LHX1: variants seen among roughly 807,000 people sequenced by gnomAD.
LHX1 encodes the protein LIM homeobox 1, also known as LIM/homeobox protein Lhx1.
LHX1 carries 9 observed loss-of-function variants against 34.1 expected under a neutral mutation model. The ratio of observed to expected loss-of-function variants is 0.26; its 90% CI spans 0.16 to 0.46. The LOEUF is 0.46. Among genes scored for constraint, LHX1 ranks in the 20% least tolerant of loss-of-function variants. LHX1 has a pLI of 1.00. For missense variants in LHX1, 446 were observed against 559.1 expected, an observed-to-expected ratio of 0.80 and a Z score of 2.04; for synonymous variants, 254 against 241.5, an observed-to-expected ratio of 1.05 and a Z score of -0.48.
Position 36,943,475 on chromosome 17 carries a change from C to A in LHX1, c.*344C>A. 1 of 262,614 alleles carries A rather than the reference C, an allele frequency of 3.8e-6. No homozygotes were observed. 16.3% of individuals were successfully genotyped at this position (262,614 alleles called of 1,614,324 possible). On this transcript the variant is annotated 3_prime_UTR_variant, in exon 5 of 5. Coordinates refer to ENST00000614239, the MANE Select transcript of LHX1 (RefSeq NM_005568.5). ...GCGGGCGGCGAAAAGACGTCCAGGG[C>A]AGCCGCGGGTGCGCACAGCCGTTGG...
chr17:36,942,821 A>C lies in LHX1; in HGVS notation c.911A>C (p.Gln304Pro). The change falls in exon 5 of 5, where the codon CAG becomes CCG. Residue 304 changes from glutamine to proline, a missense_variant. Gln to Pro is a moderately conservative substitution (Grantham distance 76, BLOSUM62 -1). Transcript: ENST00000614239. ...DFFPQGPPSS[Q>P]AQTPVDLPFV... ...TTCCCGCAAGGCCCCCCGTCCTCGC[A>C]GGCCCAGACACCAGTGGACCTACCC... The C allele has an allele frequency of 6.4e-7, 1 of 1,561,692 alleles. No individual in the cohort carries two copies. The highest frequency in any genetic ancestry group is 8.7e-7 in the Non-Finnish European group (1 of 1,150,000).
At chr17:36,938,507 G>A (rs938438145) in intron 1 of LHX1, 140 bp downstream of exon 1, 8 of 832,928 alleles carry the variant, frequency 9.6e-6, no homozygotes, top group Middle Eastern at 3.3e-4. Flanking sequence ...GCGGGCGCCC[G>A]CCTCTCCGCC....
At chr17:36,941,583 G>C in intron 3 of LHX1, 1 of 242,922 alleles carries the variant, frequency 4.1e-6, no homozygotes, top group Middle Eastern at 1.5e-3. Context: ...CTGCCTGGGA[G>C]GCTGGCTGTG....
Position 36,940,644 on chromosome 17 carries a change from T to G in LHX1, c.432T>G (p.Asp144Glu), listed in dbSNP as rs766678234. Reference protein sequence around the residue: ...TTGSDPSLSPDSQDPSQDDAK... With the variant: ...TTGSDPSLSPESQDPSQDDAK... ...GCAGTGACCCCAGTTTGTCTCCGGA[T>G]TCCCAAGACCCGTCGCAGGACGACG... is the stretch of plus-strand genomic sequence containing the variant. Residue 144 changes from aspartate to glutamate, a missense_variant, in exon 3 of 5, where the codon GAT (aspartate) becomes GAG (glutamate). Physicochemically the swap from Asp to Glu is conservative, Grantham distance 45. Around this residue, in one of 3 missense-constraint regions of LHX1, gnomAD observed 168 missense variants for 226.6 expected, o/e 0.74. Transcript: ENST00000614239. 1.2e-6 allele frequency: 2 copies of G among 1,613,824 alleles called. No homozygotes were observed. The highest frequency in any genetic ancestry group is 1.7e-5 in the Admixed American group (1 of 60,024).
rs1328201705 is a variant in LHX1, at chr17:36,943,708, A to AT, written c.*583dup. 6.6e-6 allele frequency: 1 copy of AT among 152,158 alleles called. No individual in the cohort carries two copies. Among genetic ancestry groups the AT allele is most frequent in the Non-Finnish European group, 1.5e-5 (1 of 68,026 alleles). 9.4% of individuals were successfully genotyped at this position (152,158 alleles called of 1,614,324 possible). A position where few individuals can be genotyped will look rare whatever the true frequency, so the allele number is the denominator to read the frequency against. On this transcript the variant is annotated 3_prime_UTR_variant, in exon 5 of 5. Transcript: ENST00000614239. ...GTGCATCAGGTGGGACTATATATAT[A>AT]TTTTTTGTCTATCTGGATTTTTGGT...
rs1205956402 is a variant in LHX1, at chr17:36,937,852, T to C, written c.-346T>C. On this transcript the variant is annotated 5_prime_UTR_variant, in exon 1 of 5. Coordinates refer to ENST00000614239, the MANE Select transcript of LHX1 (RefSeq NM_005568.5). Reference sequence around the variant, plus strand: ...TATTTATTTCCGTTCCCGCCGCCGTTCTCGCTGACCTTCACTCCTCCGCGG... The same window carrying C: ...TATTTATTTCCGTTCCCGCCGCCGTCCTCGCTGACCTTCACTCCTCCGCGG... 3 of 584,956 alleles carry C rather than the reference T, an allele frequency of 5.1e-6. No homozygotes were observed. In the Admixed American group the frequency reaches 6.5e-5, roughly 13 times the overall value. The allele number at this position is 584,956 out of a possible 1,614,324, so 36.2% of individuals were successfully genotyped here.
At position 36,937,930 on chromosome 17, in the gene LHX1, C is replaced by T. The variant is rs1246454842; in HGVS notation, c.-268C>T. On this transcript the variant is annotated 5_prime_UTR_variant, in exon 1 of 5. Transcript: ENST00000614239. ...CCCGCCTGAGACTTCTTTTCCTCGCCCCGGGAGCTCAGGCGGCGCCGCTCC... is the reference window on the plus strand; with the variant it reads ...CCCGCCTGAGACTTCTTTTCCTCGCTCCGGGAGCTCAGGCGGCGCCGCTCC... 3.3e-6 allele frequency: 2 copies of T among 601,272 alleles called. No individual in the cohort carries two copies. The highest frequency in any genetic ancestry group is 3.7e-5 in the African/African-American group (2 of 53,920). 37.2% of individuals were successfully genotyped at this position (601,272 alleles called of 1,614,324 possible).
chr17:36,942,402 G>C (rs1461689099), intron 4 of LHX1, 37 bp downstream of exon 4: 15 of 1,551,948 alleles, frequency 9.7e-6, no homozygotes, highest in Non-Finnish European at 1.2e-5. Context: ...CGGCCAGGTC[G>C]GGGCGGGCTT....
chr17:36,938,515 G>T, intron 1 of LHX1, 148 bp downstream of exon 1: 2 of 781,984 alleles, frequency 2.6e-6, no homozygotes, highest in Non-Finnish European at 4.4e-6. Flanking sequence ...CCGCCTCTCC[G>T]CCAGCTGGCG....
In LHX1 at chr17:36,943,311, C is replaced by T. The variant is rs569942126; in HGVS notation, c.*180C>T. On this transcript the variant is annotated 3_prime_UTR_variant, in exon 5 of 5. Transcript: ENST00000614239. ...GGACACGAAATAGGATCCAAATCGG[C>T]CTCGAGGTGGGACTGGGATCCGCGC... 8.0e-6 allele frequency: 6 copies of T among 750,734 alleles called. No homozygotes were observed. The Admixed American group carries it at 1.9e-4, about 24-fold the overall frequency. 46.5% of individuals were successfully genotyped at this position (750,734 alleles called of 1,614,324 possible). A position where few individuals can be genotyped will look rare whatever the true frequency, so the allele number is the denominator to read the frequency against.
rs1464114076 is a variant in LHX1, at chr17:36,943,747, A to C, written c.*616A>C. The stretch of plus-strand genomic sequence containing the variant: ...TGGATTTTTGGTTTTTGTTTTTGCC[A>C]AAATTGCAAAATTCTAAATGTAAAG... On this transcript the variant is annotated 3_prime_UTR_variant, in exon 5 of 5. Transcript: ENST00000614239. 6.6e-6 allele frequency: 1 copy of C among 152,160 alleles called. No individual in the cohort carries two copies. Among genetic ancestry groups the C allele is most frequent in the East Asian group, 1.9e-4 (1 of 5,200 alleles). 9.4% of individuals were successfully genotyped at this position (152,160 alleles called of 1,614,324 possible). A position where few individuals can be genotyped will look rare whatever the true frequency, so the allele number is the denominator to read the frequency against.
At position 36,943,932 on chromosome 17, in the gene LHX1, T is replaced by A. The variant is rs1415995888; in HGVS notation, c.*801T>A. The A allele has an allele frequency of 2.8e-5, 4 of 144,320 alleles. No individual in the cohort carries two copies. Among genetic ancestry groups the A allele is most frequent in the Non-Finnish European group, 4.5e-5 (3 of 66,194 alleles). 8.9% of individuals were successfully genotyped at this position (144,320 alleles called of 1,614,324 possible). On this transcript the variant is annotated 3_prime_UTR_variant, in exon 5 of 5. Transcript: ENST00000614239. ...TATTCTACCTTCACACACAAAAAGT[T>A]AAAAAAAAAAAAAAAGACTATTGAA...
At position 36,943,157 on chromosome 17, in the gene LHX1, T is replaced by C. The variant is rs2070779249; in HGVS notation, c.*26T>C. 1 of 1,608,466 alleles carries C rather than the reference T, an allele frequency of 6.2e-7. No individual in the cohort carries two copies. The highest frequency in any genetic ancestry group is 1.3e-5 in the African/African-American group (1 of 74,146). On this transcript the variant is annotated 3_prime_UTR_variant, in exon 5 of 5. Coordinates refer to ENST00000614239, the MANE Select transcript of LHX1 (RefSeq NM_005568.5). ...CGGGGTCTCGCACGGTCTGCGGAGT[T>C]CGTGGTTGTACAGAAATGAACCTTT...
In LHX1 at chr17:36,937,919, CT is replaced by C; in HGVS notation, c.-275del. 1 of 602,568 alleles carries C rather than the reference CT, an allele frequency of 1.7e-6. No homozygotes were observed. The highest frequency in any genetic ancestry group is 3.0e-6 in the Non-Finnish European group (1 of 331,350). 37.3% of individuals were successfully genotyped at this position (602,568 alleles called of 1,614,324 possible). On this transcript the variant is annotated 5_prime_UTR_variant, in exon 1 of 5. Transcript: ENST00000614239. ...TCGCATTCTCTCCCGCCTGAGACTT[CT>C]TTTCCTCGCCCCGGGAGCTCAGGCG...
chr17:36,940,576 C>T lies in LHX1; in HGVS notation c.398-34C>T, dbSNP rs369570490. ...CGGGTCCTGGGGGAGGAAGGCTCGC[C>T]AAGGCCCCGGCTCATCTGTCCTTTC... On this transcript the variant is annotated intron_variant, in intron 2 of 4. Transcript: ENST00000614239. 6 of 1,613,582 alleles carry T rather than the reference C, an allele frequency of 3.7e-6. No individual in the cohort carries two copies. The African/African-American group carries it at 6.7e-5, about 18-fold the overall frequency.
rs750987185 is a variant in LHX1, at chr17:36,942,296, A to T, written c.772A>T (p.Met258Leu). The change falls in exon 4 of 5, where the codon ATG becomes TTG. Residue 258 changes from methionine to leucine, a missense_variant. Physicochemically the swap from Met to Leu is conservative, Grantham distance 15 (BLOSUM62 2). Coordinates refer to ENST00000614239, the MANE Select transcript of LHX1 (RefSeq NM_005568.5). ...CGCCTTCTTCCGCAGTCCGCGCCGG[A>T]TGCGGCCGCTGGTGGACCGCCTGGA... is the stretch of plus-strand genomic sequence containing the variant. ...RHAFFRSPRR[M>L]RPLVDRLEPG... 7 of 1,594,798 alleles carry T rather than the reference A, an allele frequency of 4.4e-6. No homozygotes were observed. Among genetic ancestry groups the T allele is most frequent in the Admixed American group, 1.8e-5 (1 of 56,776 alleles).
At chr17:36,940,072 C>CTG in intron 1 of LHX1, 1 of 604,086 alleles carries the variant, frequency 1.7e-6, no homozygotes, top group East Asian at 2.7e-5. Flanking sequence ...TTCCCTGGTG[C>CTG]CGCGCTCTCT....
intron 1 of LHX1, 32 bp from the exon 2 acceptor site, chr17:36,940,258 C>CCCCGGGGG: frequency 1.9e-6 from 1 of 528,910 alleles, no homozygotes; most frequent in Non-Finnish European, 3.3e-6. Context: ...GACCCATCCC[C>CCCCGGGGG]GCCCCCGCCC....
chr17:36,940,268 C>T (rs1597688769), intron 1 of LHX1, 22 bp from the exon 2 acceptor site: 7 of 419,760 alleles, frequency 1.7e-5, no homozygotes, highest in African/African-American at 4.5e-5. Flanking sequence ...CGCCCCCGCC[C>T]CCCACCCCCA....
Sources: gnomAD v4.1 joint callset for allele counts on GRCh38, gnomAD v4.1.1 for gene constraint, gnomAD v4.1.1 regional missense constraint, MANE v1.5 for transcripts, NCBI Gene and HGNC (gene_info 2026-07-23, HGNC 2026-07-21) for gene names.